The following VSTM2B variants were observed in gnomAD, a reference collection of about 807,000 sequenced individuals.
VSTM2B encodes V-set and transmembrane domain containing 2B.
VSTM2B carries 24 observed loss-of-function variants against 24.0 expected under a neutral mutation model. That is an observed-to-expected ratio of 1.00 (90% CI 0.72 to 1.40). The LOEUF is 1.40. Ranked by LOEUF, VSTM2B falls within the 40% of genes most tolerant of loss-of-function variation. VSTM2B has a pLI of 0.00. For synonymous variants in VSTM2B, 226 were observed against 194.4 expected (o/e 1.16, Z -1.35); for missense variants, 399 against 416.4 (o/e 0.96, Z 0.36).
At chr19:29,542,960 A>G (rs1382327613) in intron 4 of VSTM2B, among the ~76,000 whole-genome samples, 3 of 152,158 alleles carry the variant, frequency 2.0e-5, no homozygotes, top group Admixed American at 1.3e-4. Context: ...GAACCTAGAC[A>G]GAGGGGAAGG....
intron 2 of VSTM2B, among the ~76,000 whole-genome samples, 179 bp from the exon 3 acceptor site, chr19:29,528,254 C>G (rs1027394144): frequency 6.6e-6 from 1 of 152,234 alleles, no homozygotes; most frequent in African/African-American, 2.4e-5. Context: ...CTCCAAAGCC[C>G]GCTTCCTCCT....
intron 3 of VSTM2B, chr19:29,528,926 G>C (rs35052902): frequency 0.055 from 54,665 of 985,018 alleles, 1,718 homozygotes; most frequent in Middle Eastern, 0.094. Flanking sequence ...GCGGGTCTGG[G>C]TGCGGGGTGT....
intron 1 of VSTM2B, 184 bp from the exon 2 acceptor site, chr19:29,527,027 G>T: frequency 1.8e-6 from 1 of 570,986 alleles, no homozygotes; most frequent in Non-Finnish European, 3.0e-6. Context: ...CCGATGGCCG[G>T]TCCCTGCCTC....
At chr19:29,548,855 G>C (rs1457097503) in intron 4 of VSTM2B, among the ~76,000 whole-genome samples, 3 of 152,248 alleles carry the variant, frequency 2.0e-5, no homozygotes, top group African/African-American at 4.8e-5. Context: ...CTGGCACATA[G>C]AGTGCAAATT....
At position 29,561,311 on chromosome 19, in the gene VSTM2B, C is replaced by CA. The variant is rs59488505; in HGVS notation, c.770-2528dup. On this transcript the variant is annotated intron_variant, in intron 4 of 4. Coordinates refer to ENST00000335523, the MANE Select transcript of VSTM2B (RefSeq NM_001146339.2). ...TGGGTGACAGAGTGAGACTCCATCT[C>CA]AAAAAAATAAAAATAAAAAAAATTT... 8.4e-3 allele frequency among the ~76,000 whole-genome samples: 1,248 copies of CA among 147,942 alleles called. 13 individuals carry two copies. Among genetic ancestry groups the CA allele is most frequent in the African/African-American group, 0.03 (1,169 of 38,888 alleles).
intron 4 of VSTM2B, among the ~76,000 whole-genome samples, chr19:29,554,063 A>C (rs1970351106): frequency 6.6e-6 from 1 of 152,218 alleles, no homozygotes. Flanking sequence ...AAATTCAGGA[A>C]ACCCAGAGAA....
chr19:29,540,764 G>A (rs1051371991), intron 4 of VSTM2B, among the ~76,000 whole-genome samples: 1 of 152,224 alleles, frequency 6.6e-6, no homozygotes. Flanking sequence ...TCCTGAGAAA[G>A]TGACAGAGGA....
intron 4 of VSTM2B, among the ~76,000 whole-genome samples, chr19:29,563,409 A>C (rs1970580042): frequency 6.6e-6 from 1 of 151,902 alleles, no homozygotes; most frequent in Admixed American, 6.6e-5. Context: ...ACACACAGCT[A>C]ATTTTTTATT....
Position 29,530,007 on chromosome 19 carries a change from C to A in VSTM2B, c.486C>A (p.Ala162=). The A allele has an allele frequency of 6.5e-7, 1 of 1,540,456 alleles. No homozygotes were observed. The highest frequency in any genetic ancestry group is 8.7e-7 in the Non-Finnish European group (1 of 1,146,206). ...CGCCCAACATGCAGGCCGCCGAGGC[C>A]GTGTCCCACATCCAGAGCAGCGGCC... ...FAPPNMQAAE[A]VSHIQSSGPR... is the part of the protein sequence containing the mutation. The change falls in exon 4 of 5, where the codon GCC becomes GCA. Residue 162 remains alanine (A), a synonymous_variant. Coordinates refer to ENST00000335523, the MANE Select transcript of VSTM2B (RefSeq NM_001146339.2).
At chr19:29,528,351 G>T (rs1236459455) in intron 2 of VSTM2B, 82 bp from the exon 3 acceptor site, 3 of 1,534,522 alleles carry the variant, frequency 2.0e-6, no homozygotes, top group South Asian at 2.4e-5. Flanking sequence ...GGAGGAGGGT[G>T]CCCTTGCCTA....
At chr19:29,546,661 C>A (rs1468264224) in intron 4 of VSTM2B, among the ~76,000 whole-genome samples, 1 of 151,992 alleles carries the variant, frequency 6.6e-6, no homozygotes, top group African/African-American at 2.4e-5. Context: ...TCGCCGTCCC[C>A]GCTGGGGAGC....
At chr19:29,531,658 C>T (rs557792512) in intron 4 of VSTM2B, among the ~76,000 whole-genome samples, 1 of 152,344 alleles carries the variant, frequency 6.6e-6, no homozygotes, top group East Asian at 1.9e-4. Flanking sequence ...GGATGCCACA[C>T]AGGAGCCCAC....
chr19:29,541,287 T>C (rs749089976), intron 4 of VSTM2B, among the ~76,000 whole-genome samples: 22 of 152,226 alleles, frequency 1.4e-4, no homozygotes, highest in Non-Finnish European at 2.9e-4. Context: ...ATGAATTTGA[T>C]AGATGGGGAA....
At chr19:29,548,036 G>A (rs1465192269) in intron 4 of VSTM2B, among the ~76,000 whole-genome samples, 1 of 152,142 alleles carries the variant, frequency 6.6e-6, no homozygotes, top group Non-Finnish European at 1.5e-5. Context: ...ATGAAGGCAG[G>A]AGAATGCTGT....
rs1471528049 is a variant in VSTM2B, at chr19:29,528,418, C to T, written c.268-15C>T. Reference sequence around the variant, plus strand: ...CCGCGAGCCTCACGTCTCTCTCTCCCTCTTTGCATTTTAGGTAACAAATAA... The same window carrying T: ...CCGCGAGCCTCACGTCTCTCTCTCCTTCTTTGCATTTTAGGTAACAAATAA... On this transcript the variant is annotated splice_polypyrimidine_tract_variant and intron_variant, in intron 2 of 4. Coordinates refer to ENST00000335523, the MANE Select transcript of VSTM2B (RefSeq NM_001146339.2). 6.4e-7 allele frequency: 1 copy of T among 1,551,206 alleles called. No homozygotes were observed. Among genetic ancestry groups the T allele is most frequent in the South Asian group, 1.2e-5 (1 of 84,068 alleles).
chr19:29,559,742 A>G (rs1970486715), intron 4 of VSTM2B, among the ~76,000 whole-genome samples: 1 of 152,138 alleles, frequency 6.6e-6, no homozygotes, highest in Non-Finnish European at 1.5e-5. Context: ...TTAAAGAAGA[A>G]GCTATGTCAC....
chr19:29,564,319 T>C lies in VSTM2B; in HGVS notation c.*385T>C, dbSNP rs1304785100. ...AAAGCAAAATATTTTTAGTAGATTA[T>C]TGTGTTTAGGATTTTTTTTTAATTT... On this transcript the variant is annotated 3_prime_UTR_variant, in exon 5 of 5. Coordinates refer to ENST00000335523, the MANE Select transcript of VSTM2B (RefSeq NM_001146339.2). 6.5e-6 allele frequency: 1 copy of C among 154,030 alleles called. No homozygotes were observed. The highest frequency in any genetic ancestry group is 1.4e-5 in the Non-Finnish European group (1 of 69,382). 9.5% of individuals were successfully genotyped at this position (154,030 alleles called of 1,614,324 possible).
chr19:29,559,848 A>G (rs1970488840), intron 4 of VSTM2B, among the ~76,000 whole-genome samples: 1 of 152,144 alleles, frequency 6.6e-6, no homozygotes, highest in Non-Finnish European at 1.5e-5. Context: ...ATAATGAAGG[A>G]CCCCAAAACT....
intron 4 of VSTM2B, among the ~76,000 whole-genome samples, chr19:29,561,444 T>G (rs1193385401): frequency 6.6e-6 from 1 of 151,752 alleles, no homozygotes; most frequent in Non-Finnish European, 1.5e-5. Context: ...GCCAACATGG[T>G]GAAACCCCGT....
Sources: gnomAD v4.1 joint callset for allele counts (sites outside exome capture counted in the v4.1 genomes callset) on GRCh38, gnomAD v4.1.1 for gene constraint, MANE v1.5 for transcripts, NCBI Gene and HGNC (gene_info 2026-07-23, HGNC 2026-07-21) for gene names.